LCP1: variants seen among roughly 807,000 people sequenced by gnomAD.
LCP1 encodes the protein plastin-2.
A neutral mutation model predicts 72.0 loss-of-function variants in LCP1; 23 were observed. The ratio of observed to expected loss-of-function variants is 0.32; its 90% CI spans 0.23 to 0.45. The LOEUF (loss-of-function observed/expected upper bound fraction) is 0.45, where lower values mean the gene tolerates loss of function less well. Among genes scored for constraint, LCP1 ranks in the 20% least tolerant of loss-of-function variants. The probability of loss-of-function intolerance (pLI) is 1.00; values close to 1 mark genes in which losing one functional copy is unlikely to be tolerated. For synonymous variants in LCP1, 245 were observed against 275.4 expected (o/e 0.89, Z 1.09); for missense variants, 571 against 748.3 (o/e 0.76, Z 2.76).
rs1459905110 is a variant in LCP1 at position 46,162,878 on chromosome 13, G to A, written c.-24-3192C>T. ...AGGAGCGTCTCTGCACGGCTGCCCC[G>A]TCTGAGAAGTGAGGAGCCCCTCCGC... On this transcript the variant is annotated intron_variant, in intron 1 of 15. Coordinates refer to ENST00000323076, the MANE Select transcript of LCP1 (RefSeq NM_002298.5). 7.5e-5 allele frequency among the ~76,000 whole-genome samples: 11 copies of A among 147,630 alleles called. No homozygotes were observed. The East Asian group carries it at 1.8e-3, about 25-fold the overall frequency.
chr13:46,160,955 G>A (rs2045834576), intron 1 of LCP1, among the ~76,000 whole-genome samples: 1 of 152,100 alleles, frequency 6.6e-6, no homozygotes, highest in Non-Finnish European at 1.5e-5. Flanking sequence ...TGCTGTATTT[G>A]TTCTTGATGG....
At chr13:46,177,106 T>A (rs1197385682) in intron 1 of LCP1, among the ~76,000 whole-genome samples, 1 of 152,248 alleles carries the variant, frequency 6.6e-6, no homozygotes, top group South Asian at 2.1e-4. Context: ...GACACAGCCA[T>A]GGCTCTGAAG....
chr13:46,172,651 C>G (rs1052982078), intron 1 of LCP1, among the ~76,000 whole-genome samples: 1 of 152,130 alleles, frequency 6.6e-6, no homozygotes, highest in Non-Finnish European at 1.5e-5. Context: ...GCGTGCTGCT[C>G]GTTCTCACTA....
intron 8 of LCP1, 195 bp from the exon 9 acceptor site, chr13:46,148,642 T>A (rs1319176582): frequency 3.7e-6 from 2 of 538,916 alleles, no homozygotes; most frequent in Non-Finnish European, 6.3e-6. Flanking sequence ...GCTTTTCTTT[T>A]TAAAAGGAGC....
At chr13:46,145,623 G>GGGAAAATGGGAT in intron 10 of LCP1, among the ~76,000 whole-genome samples, 1 of 135,018 alleles carries the variant, frequency 7.4e-6, no homozygotes. Flanking sequence ...TTCTAAAAGA[G>GGGAAAATGGGAT]GGCAGGCCGG....
chr13:46,152,740 G>A (rs1391336288), intron 7 of LCP1, 40 bp downstream of exon 7: 2 of 1,593,428 alleles, frequency 1.3e-6, no homozygotes, highest in Non-Finnish European at 1.7e-6. Context: ...TAAGTTATTA[G>A]AAAGCTGTGT....
In LCP1 at chr13:46,127,469, C is replaced by T; in HGVS notation, c.*122G>A. The T allele has an allele frequency of 2.3e-6, 3 of 1,308,794 alleles. No individual in the cohort carries two copies. Among genetic ancestry groups the T allele is most frequent in the Non-Finnish European group, 3.2e-6 (3 of 952,084 alleles). The allele number at this position is 1,308,794 out of a possible 1,614,324, so 81.1% of individuals were successfully genotyped here. On this transcript the variant is annotated 3_prime_UTR_variant, in exon 16 of 16. Coordinates refer to ENST00000323076, the MANE Select transcript of LCP1 (RefSeq NM_002298.5). ...GGCTACTTGGCTGCACTAATATGTG[C>T]TTTTTGGAATCTTATAGAGTGTCAC...
intron 13 of LCP1, among the ~76,000 whole-genome samples, chr13:46,138,379 A>G (rs775501786): frequency 2.6e-5 from 4 of 152,302 alleles, no homozygotes; most frequent in Non-Finnish European, 5.9e-5. Flanking sequence ...TGCCATTTAT[A>G]TAATTATCAG....
intron 13 of LCP1, 57 bp downstream of exon 13, chr13:46,142,235 T>C: frequency 6.4e-7 from 1 of 1,563,520 alleles, no homozygotes; most frequent in Non-Finnish European, 8.7e-7. Context: ...AATTTGCTAA[T>C]ATTTGTCTAA....
At chr13:46,178,748 A>C (rs1044322266) in intron 1 of LCP1, among the ~76,000 whole-genome samples, 1 of 152,364 alleles carries the variant, frequency 6.6e-6, no homozygotes, top group South Asian at 2.1e-4. Context: ...AAAAAACACT[A>C]GGAAGAAAAT....
chr13:46,178,429 G>A (rs2045941852), intron 1 of LCP1, among the ~76,000 whole-genome samples: 1 of 152,162 alleles, frequency 6.6e-6, no homozygotes, highest in African/African-American at 2.4e-5. Flanking sequence ...AAAGCAACAA[G>A]GAGATGCCAT....
At position 46,145,658 on chromosome 13, in the gene LCP1, C is replaced by T. The variant is rs2045725345; in HGVS notation, c.1175-1138G>A. On this transcript the variant is annotated intron_variant, in intron 10 of 15. Transcript: ENST00000323076. ...GGCGCGGTGGCTCACGCCTGTAATC[C>T]CAGCACTTTGGGAGGCCGAGGCGGG... Among the ~76,000 whole-genome samples the T allele has an allele frequency of 2.6e-5, 2 of 77,654 alleles. 1 individual carries two copies. Among genetic ancestry groups the T allele is most frequent in the Admixed American group, 3.0e-4 (2 of 6,608 alleles). The allele number at this position is 77,654 out of a possible 152,430, so 50.9% of individuals were successfully genotyped here.
intron 10 of LCP1, 134 bp from the exon 11 acceptor site, chr13:46,144,654 A>G: frequency 3.0e-6 from 2 of 658,920 alleles, no homozygotes; most frequent in Non-Finnish European, 5.4e-6. Flanking sequence ...ACTGTATTGG[A>G]TTTGGACGAG....
intron 10 of LCP1, among the ~76,000 whole-genome samples, chr13:46,145,637 C>T (rs1167857840): frequency 1.3e-5 from 1 of 77,724 alleles, no homozygotes; most frequent in Non-Finnish European, 2.6e-5. Context: ...AGGCCGGGCG[C>T]GGTGGCTCAC....
Position 46,129,328 on chromosome 13 carries a change from A to G in LCP1, c.1751+1486T>C, listed in dbSNP as rs534426134. On this transcript the variant is annotated intron_variant, in intron 15 of 15. Coordinates refer to ENST00000323076, the MANE Select transcript of LCP1 (RefSeq NM_002298.5). ...ACTGTATGGCCTTGGCAAGTTTCTT[A>G]AACCTAATCACACTCCCCTTGAACA... Among the ~76,000 whole-genome samples the G allele has an allele frequency of 2.6e-5, 4 of 152,254 alleles. 1 individual carries two copies. In the South Asian group the frequency reaches 6.2e-4, roughly 24 times the overall value.
Position 46,127,529 on chromosome 13 carries a change from G to T in LCP1, c.*62C>A. ...CTTTGGAATGGCTTGAATCATCCCTGGAGCATCTGTGCCGGGCAGTCAGGA... is the reference window on the plus strand; with the variant it reads ...CTTTGGAATGGCTTGAATCATCCCTTGAGCATCTGTGCCGGGCAGTCAGGA... On this transcript the variant is annotated 3_prime_UTR_variant, in exon 16 of 16. Transcript: ENST00000323076. 1 of 1,599,354 alleles carries T rather than the reference G, an allele frequency of 6.3e-7. No individual in the cohort carries two copies. Among genetic ancestry groups the T allele is most frequent in the Non-Finnish European group, 8.5e-7 (1 of 1,170,646 alleles).
chr13:46,173,749 C>T (rs2045914892), intron 1 of LCP1, among the ~76,000 whole-genome samples: 1 of 152,148 alleles, frequency 6.6e-6, no homozygotes, highest in African/African-American at 2.4e-5. Flanking sequence ...TGATACCAAC[C>T]CAAAGCCAAC....
chr13:46,150,721 C>T (rs926992717), intron 8 of LCP1, among the ~76,000 whole-genome samples: 6 of 152,154 alleles, frequency 3.9e-5, no homozygotes, highest in South Asian at 2.1e-4. Flanking sequence ...AAACTCCAAT[C>T]GAGACACTGC....
chr13:46,155,151 G>C (rs1056222559), intron 5 of LCP1, among the ~76,000 whole-genome samples: 1 of 152,118 alleles, frequency 6.6e-6, no homozygotes, highest in Non-Finnish European at 1.5e-5. Context: ...AAATTATCCT[G>C]ATTTTCTTAG....
Sources: gnomAD v4.1 joint callset for allele counts (sites outside exome capture counted in the v4.1 genomes callset) on GRCh38, gnomAD v4.1.1 for gene constraint, MANE v1.5 for transcripts, NCBI Gene and HGNC (gene_info 2026-07-23, HGNC 2026-07-21) for gene names.